Variants in NALF1 observed in about 807,000 individuals in gnomAD.
NALF1 encodes NALCN channel auxiliary factor 1.
A neutral mutation model predicts 48.4 loss-of-function variants in NALF1; 3 were observed. The observed-to-expected ratio is 0.06, with a 90% confidence interval of 0.03 to 0.16. NALF1 has a LOEUF of 0.16. Ranked by LOEUF, NALF1 falls within the 10% of genes least tolerant of loss-of-function variation. The pLI is 1.00. For synonymous variants in NALF1, 262 were observed against 245.7 expected (o/e 1.07, Z -0.62); for missense variants, 526 against 571.5 (o/e 0.92, Z 0.81).
intron 1 of NALF1, among the ~76,000 whole-genome samples, chr13:107,424,406 G>C (rs1884244144): frequency 6.6e-6 from 1 of 152,106 alleles, no homozygotes; most frequent in South Asian, 2.1e-4. Flanking sequence ...CTAAAGGGTT[G>C]AGATTAACAG....
At chr13:107,577,069 G>A (rs140352474) in intron 1 of NALF1, among the ~76,000 whole-genome samples, 1,948 of 152,224 alleles carry the variant, frequency 0.013, 24 homozygotes, top group Non-Finnish European at 0.019. Flanking sequence ...ATAATAAACT[G>A]GGAGTGGGCA....
At chr13:107,438,665 C>A (rs1388978117) in intron 1 of NALF1, among the ~76,000 whole-genome samples, 3 of 151,022 alleles carry the variant, frequency 2.0e-5, no homozygotes, top group African/African-American at 4.9e-5. Flanking sequence ...AACAAAAAAA[C>A]CCAAAACCAG....
chr13:107,199,953 G>A (rs141668574), intron 2 of NALF1, among the ~76,000 whole-genome samples: 2 of 152,064 alleles, frequency 1.3e-5, no homozygotes, highest in Non-Finnish European at 2.9e-5. Flanking sequence ...CCACCACAGA[G>A]CTTCTTCTTG....
chr13:107,354,300 G>T (rs2138948022), intron 1 of NALF1, among the ~76,000 whole-genome samples: 1 of 152,256 alleles, frequency 6.6e-6, no homozygotes, highest in South Asian at 2.1e-4. Flanking sequence ...CGACATGTGA[G>T]AGGTGGTATT....
At chr13:107,665,940 G>T (rs1022322043) in intron 1 of NALF1, among the ~76,000 whole-genome samples, 6 of 152,034 alleles carry the variant, frequency 3.9e-5, no homozygotes, top group Admixed American at 2.6e-4. Context: ...TGCAGTCTTT[G>T]GCACATTATT....
At chr13:107,804,010 C>G (rs1263897997) in intron 1 of NALF1, among the ~76,000 whole-genome samples, 1 of 152,196 alleles carries the variant, frequency 6.6e-6, no homozygotes, top group Non-Finnish European at 1.5e-5. Flanking sequence ...CCCAGCATCA[C>G]AGTCAATTGC....
At chr13:107,730,541 C>G (rs1876282642) in intron 1 of NALF1, among the ~76,000 whole-genome samples, 1 of 152,180 alleles carries the variant, frequency 6.6e-6, no homozygotes, top group Non-Finnish European at 1.5e-5. Flanking sequence ...AAATGAGTCT[C>G]TAATAATTCC....
chr13:107,814,282 C>T (rs1879097465), intron 1 of NALF1, among the ~76,000 whole-genome samples: 1 of 152,124 alleles, frequency 6.6e-6, no homozygotes, highest in Non-Finnish European at 1.5e-5. Flanking sequence ...ATACCCCTAT[C>T]CATCATCCTC....
At chr13:107,269,823 T>C (rs571381596) in intron 1 of NALF1, among the ~76,000 whole-genome samples, 58 of 151,798 alleles carry the variant, frequency 3.8e-4, no homozygotes, top group Non-Finnish European at 7.4e-4. Flanking sequence ...TTTTTTTTTT[T>C]TGCAAGCTCC....
chr13:107,445,937 T>C (rs1884642126), intron 1 of NALF1, among the ~76,000 whole-genome samples: 1 of 152,140 alleles, frequency 6.6e-6, no homozygotes, highest in South Asian at 2.1e-4. Flanking sequence ...CACATTTATA[T>C]TTGGGACAGA....
intron 1 of NALF1, among the ~76,000 whole-genome samples, chr13:107,504,665 T>C (rs541002952): frequency 6.6e-6 from 1 of 152,336 alleles, no homozygotes; most frequent in South Asian, 2.1e-4. Context: ...TTTTCAATTT[T>C]ATTCTACGCA....
chr13:107,761,407 G>A (rs1877260851), intron 1 of NALF1, among the ~76,000 whole-genome samples: 2 of 151,918 alleles, frequency 1.3e-5, no homozygotes, highest in East Asian at 1.9e-4. Context: ...CAAACAGCAG[G>A]ATTGGGAAAA....
intron 1 of NALF1, among the ~76,000 whole-genome samples, chr13:107,308,190 G>A (rs1382364161): frequency 3.6e-5 from 5 of 137,894 alleles, no homozygotes; most frequent in Admixed American, 7.5e-5. Flanking sequence ...TTTGTATTTT[G>A]TGTCTATGCT....
At chr13:107,737,419 T>TCA (rs1876496763) in intron 1 of NALF1, among the ~76,000 whole-genome samples, 1 of 152,210 alleles carries the variant, frequency 6.6e-6, no homozygotes, top group African/African-American at 2.4e-5. Flanking sequence ...TCAGATATTC[T>TCA]CACTTGAAAA....
At position 107,426,688 on chromosome 13, in the gene NALF1, G is replaced by A. The variant is rs1046542670; in HGVS notation, c.916-215933C>T. On this transcript the variant is annotated intron_variant, in intron 1 of 2. Coordinates refer to ENST00000375915, the MANE Select transcript of NALF1 (RefSeq NM_001080396.3). Reference sequence around the variant, plus strand: ...TATATAAATAGGTCCTAGTCTAGAAGTGTTAATGTAGCTTCAACATTTCTC... The same window carrying A: ...TATATAAATAGGTCCTAGTCTAGAAATGTTAATGTAGCTTCAACATTTCTC... 7.2e-5 allele frequency among the ~76,000 whole-genome samples: 11 copies of A among 152,224 alleles called. No individual in the cohort carries two copies. The South Asian group carries it at 2.3e-3, about 32-fold the overall frequency.
intron 1 of NALF1, among the ~76,000 whole-genome samples, chr13:107,330,179 G>A (rs1882442281): frequency 6.6e-6 from 1 of 152,152 alleles, no homozygotes; most frequent in Admixed American, 6.5e-5. Flanking sequence ...CAGTCTGACT[G>A]GAACACTTGT....
At chr13:107,415,260 G>A (rs540260307) in intron 1 of NALF1, among the ~76,000 whole-genome samples, 1 of 152,212 alleles carries the variant, frequency 6.6e-6, no homozygotes, top group African/African-American at 2.4e-5. Context: ...GGAACTGAAA[G>A]ACTAACATAG....
chr13:107,310,175 C>G (rs2138902657), intron 1 of NALF1, among the ~76,000 whole-genome samples: 1 of 151,992 alleles, frequency 6.6e-6, no homozygotes, highest in East Asian at 1.9e-4. Context: ...TTTGGGAGGC[C>G]CAGGAAGGCG....
intron 1 of NALF1, among the ~76,000 whole-genome samples, chr13:107,262,892 T>C (rs1880961461): frequency 6.6e-6 from 1 of 152,230 alleles, no homozygotes; most frequent in African/African-American, 2.4e-5. Flanking sequence ...GCCATAATTG[T>C]AACGTATGCA....
Sources: allele counts gnomAD v4.1 joint callset (sites outside exome capture counted in the v4.1 genomes callset), GRCh38; gene constraint gnomAD v4.1.1; transcripts MANE v1.5; gene names NCBI Gene and HGNC (gene_info 2026-07-23, HGNC 2026-07-21).